The following TAFA5 variants were observed in gnomAD, a reference collection of about 807,000 sequenced individuals.
TAFA5 encodes the protein chemokine-like protein TAFA-5.
A neutral mutation model predicts 15.3 loss-of-function variants in TAFA5; 6 were observed. The observed-to-expected ratio is 0.39, with a 90% CI of 0.21 to 0.77. TAFA5 has a LOEUF of 0.77. TAFA5 is among the 30% of genes least tolerant of loss of function. The pLI, the probability that TAFA5 is intolerant of heterozygous loss-of-function variation, is 0.41. For missense variants in TAFA5, 161 were observed against 193.1 expected, an observed-to-expected ratio of 0.83 and a Z score of 0.98; for synonymous variants, 103 against 80.7, an observed-to-expected ratio of 1.28 and a Z score of -1.48.
intron 1 of TAFA5, among the ~76,000 whole-genome samples, chr22:48,597,087 G>A (rs1737458473): frequency 6.6e-6 from 1 of 152,246 alleles, no homozygotes. Context: ...GATTCCAGGT[G>A]TGAGTCACCA....
At chr22:48,547,813 G>T (rs1180558814) in intron 1 of TAFA5, among the ~76,000 whole-genome samples, 1 of 152,206 alleles carries the variant, frequency 6.6e-6, no homozygotes, top group Non-Finnish European at 1.5e-5. Flanking sequence ...TCTCTCCAGA[G>T]GACTCTGAGT....
intron 1 of TAFA5, chr22:48,546,523 A>G (rs751721092): frequency 1.7e-5 from 8 of 471,074 alleles, no homozygotes; most frequent in Non-Finnish European, 3.5e-5. Flanking sequence ...CTGGCTGGGC[A>G]GCCCGCGGCT....
rs113839713 is a variant in TAFA5, at chr22:48,554,090, T to G, written c.112+64386T>G. On this transcript the variant is annotated intron_variant, in intron 1 of 3. Coordinates refer to ENST00000402357, the MANE Select transcript of TAFA5 (RefSeq NM_001082967.3). Reference sequence around the variant, plus strand: ...GGGCGGCCGCTCAGAAGAGCTCAGCTCCCGCCTGGGCTCAGGGAAGAGATG... The same window carrying G: ...GGGCGGCCGCTCAGAAGAGCTCAGCGCCCGCCTGGGCTCAGGGAAGAGATG... Among the ~76,000 whole-genome samples, 1,451 of 152,242 alleles carry G rather than the reference T, an allele frequency of 9.5e-3. 36 individuals are homozygous for G. The highest frequency in any genetic ancestry group is 0.034 in the African/African-American group (1,403 of 41,534).
intron 1 of TAFA5, among the ~76,000 whole-genome samples, chr22:48,542,876 G>A (rs375077058): frequency 2.6e-5 from 4 of 151,272 alleles, no homozygotes; most frequent in South Asian, 2.1e-4. Flanking sequence ...TATGGTGTGT[G>A]TGATGTGTGT....
intron 1 of TAFA5, among the ~76,000 whole-genome samples, chr22:48,519,896 C>T (rs1601845600): frequency 6.6e-6 from 1 of 152,226 alleles, no homozygotes; most frequent in Non-Finnish European, 1.5e-5. Flanking sequence ...AAAGTGTCCC[C>T]TCAACATTCA....
At chr22:48,511,042 C>T (rs576525532) in intron 1 of TAFA5, among the ~76,000 whole-genome samples, 119 of 152,370 alleles carry the variant, frequency 7.8e-4, no homozygotes, top group African/African-American at 2.7e-3. Flanking sequence ...GGGACATGCT[C>T]ACCTGGTGAC....
intron 1 of TAFA5, among the ~76,000 whole-genome samples, chr22:48,618,431 T>C (rs1373336298): frequency 6.6e-6 from 1 of 152,250 alleles, no homozygotes; most frequent in East Asian, 1.9e-4. Context: ...CGTAAATACT[T>C]TATTGGAGCA....
At chr22:48,714,106 G>A (rs1424455884) in intron 3 of TAFA5, among the ~76,000 whole-genome samples, 14 of 152,242 alleles carry the variant, frequency 9.2e-5, no homozygotes, top group African/African-American at 2.7e-4. Flanking sequence ...CAGAGTGTCC[G>A]TGGCCCGCAC....
chr22:48,595,728 G>GTTTT (rs1196519756), intron 1 of TAFA5, among the ~76,000 whole-genome samples: 6 of 152,374 alleles, frequency 3.9e-5, no homozygotes, highest in African/African-American at 1.4e-4. Context: ...CTCTTGCACT[G>GTTTT]TTTAATTCGT....
chr22:48,620,128 C>G (rs1027844976), intron 1 of TAFA5, among the ~76,000 whole-genome samples: 2 of 152,144 alleles, frequency 1.3e-5, no homozygotes, highest in African/African-American at 4.8e-5. Flanking sequence ...CCAGTCCACA[C>G]CCTTCTGGGA....
chr22:48,672,353 G>A (rs1311196191), intron 2 of TAFA5, among the ~76,000 whole-genome samples: 2 of 152,218 alleles, frequency 1.3e-5, no homozygotes, highest in Non-Finnish European at 2.9e-5. Context: ...GGACAGTAGA[G>A]AAAATTGTAG....
At chr22:48,492,517 T>C (rs1047603409) in intron 1 of TAFA5, among the ~76,000 whole-genome samples, 1 of 152,166 alleles carries the variant, frequency 6.6e-6, no homozygotes, top group Non-Finnish European at 1.5e-5. Context: ...GCCTTCTTTC[T>C]TTCTCGTGTG....
At chr22:48,505,550 G>T (rs568253128) in intron 1 of TAFA5, among the ~76,000 whole-genome samples, 1 of 152,220 alleles carries the variant, frequency 6.6e-6, no homozygotes, top group Non-Finnish European at 1.5e-5. Flanking sequence ...CTGCCCCAAG[G>T]GGGGCTGTGG....
At chr22:48,554,322 T>C (rs914416122) in intron 1 of TAFA5, among the ~76,000 whole-genome samples, 7 of 152,196 alleles carry the variant, frequency 4.6e-5, no homozygotes, top group African/African-American at 1.7e-4. Context: ...AATCCAACAT[T>C]GACAATGAAG....
intron 1 of TAFA5, among the ~76,000 whole-genome samples, chr22:48,638,443 C>CCCCCCCA (rs758538449): frequency 1.2e-4 from 8 of 67,760 alleles, no homozygotes; most frequent in Admixed American, 8.4e-4. Context: ...GGCAGCACCC[C>CCCCCCCA]TCCCCCGACA....
intron 1 of TAFA5, among the ~76,000 whole-genome samples, chr22:48,585,066 A>AT: frequency 6.8e-6 from 1 of 146,502 alleles, no homozygotes. Context: ...AAAACATCAC[A>AT]CACACAGCAT....
At chr22:48,713,102 T>C (rs1929301950) in intron 3 of TAFA5, among the ~76,000 whole-genome samples, 1 of 152,252 alleles carries the variant, frequency 6.6e-6, no homozygotes, top group Non-Finnish European at 1.5e-5. Context: ...GGAAATCCTG[T>C]TTGCACATTC....
intron 2 of TAFA5, among the ~76,000 whole-genome samples, chr22:48,675,591 C>T (rs775975228): frequency 5.3e-5 from 8 of 152,256 alleles, no homozygotes; most frequent in African/African-American, 1.2e-4. Context: ...GTCCTGGTGG[C>T]GGCCGTTTTC....
chr22:48,723,441 T>C (rs1929628220), intron 3 of TAFA5, among the ~76,000 whole-genome samples: 1 of 152,124 alleles, frequency 6.6e-6, no homozygotes, highest in African/African-American at 2.4e-5. Flanking sequence ...TCTTCGTCAC[T>C]GCGGCTCTGT....
Sources: gnomAD v4.1 joint callset for allele counts (sites outside exome capture counted in the v4.1 genomes callset) on GRCh38, gnomAD v4.1.1 for gene constraint, MANE v1.5 for transcripts, NCBI Gene and HGNC (gene_info 2026-07-23, HGNC 2026-07-21) for gene names.